HIVEP3: variants seen among roughly 807,000 people sequenced by gnomAD.
HIVEP3 encodes the protein transcription factor HIVEP3.
HIVEP3 carries 49 observed loss-of-function variants against 152.8 expected under a neutral mutation model. The observed-to-expected ratio is 0.32, with a 90% CI of 0.26 to 0.41. The LOEUF is 0.41. Among genes scored for constraint, HIVEP3 ranks in the 10% least tolerant of loss-of-function variants. HIVEP3 has a pLI of 1.00. For synonymous variants in HIVEP3, 1,269 were observed against 1,289.0 expected, an observed-to-expected ratio of 0.98 and a Z score of 0.33; for missense variants, 2,790 against 3,103.3, an observed-to-expected ratio of 0.90 and a Z score of 2.40.
At chr1:41,550,865 A>C (rs1489093733) in intron 5 of HIVEP3, among the ~76,000 whole-genome samples, 1 of 152,076 alleles carries the variant, frequency 6.6e-6, no homozygotes, top group Non-Finnish European at 1.5e-5. Context: ...AATACCCTTT[A>C]TTTCTTTCTC....
At chr1:41,548,081 G>C (rs1025959205) in intron 5 of HIVEP3, among the ~76,000 whole-genome samples, 1 of 152,130 alleles carries the variant, frequency 6.6e-6, no homozygotes, top group Non-Finnish European at 1.5e-5. Context: ...ACCTCAGCTC[G>C]AATGCCAGGT....
chr1:41,574,991 A>G (rs1308512051), intron 5 of HIVEP3, among the ~76,000 whole-genome samples: 3 of 152,234 alleles, frequency 2.0e-5, no homozygotes, highest in Non-Finnish European at 4.4e-5. Flanking sequence ...ACTATGAATG[A>G]GATTCAAAAT....
intron 1 of HIVEP3, among the ~76,000 whole-genome samples, chr1:42,034,598 G>T (rs910733343): frequency 1.1e-4 from 17 of 152,234 alleles, no homozygotes; most frequent in Non-Finnish European, 2.1e-4. Context: ...GTACACTTAT[G>T]TAGCAAGAGG....
At chr1:41,681,862 T>C (rs2124091969) in intron 2 of HIVEP3, among the ~76,000 whole-genome samples, 1 of 152,330 alleles carries the variant, frequency 6.6e-6, no homozygotes, top group South Asian at 2.1e-4. Flanking sequence ...TCTTTCTGAC[T>C]ATGTGCAAAT....
At chr1:41,557,900 G>C (rs576389548) in intron 5 of HIVEP3, among the ~76,000 whole-genome samples, 1 of 152,166 alleles carries the variant, frequency 6.6e-6, no homozygotes, top group African/African-American at 2.4e-5. Context: ...CCCACCCAGC[G>C]AGGGCTCCTC....
intron 2 of HIVEP3, among the ~76,000 whole-genome samples, chr1:41,657,126 C>A (rs190417714): frequency 4.2e-4 from 64 of 152,310 alleles, no homozygotes; most frequent in Non-Finnish European, 8.8e-4. Context: ...CCAGAAGGAC[C>A]AATCCACTGT....
chr1:41,952,814 G>A (rs1010187819), intron 1 of HIVEP3, among the ~76,000 whole-genome samples: 2 of 152,232 alleles, frequency 1.3e-5, no homozygotes, highest in South Asian at 2.1e-4. Context: ...CCCAAAGATC[G>A]TGTGATATAA....
chr1:41,575,395 A>T, intron 5 of HIVEP3, 149 bp downstream of exon 5: 2 of 743,284 alleles, frequency 2.7e-6, no homozygotes, highest in Non-Finnish European at 4.5e-6. Flanking sequence ...AGTCCCAGGA[A>T]GGTGATGTCT....
intron 1 of HIVEP3, among the ~76,000 whole-genome samples, chr1:41,908,994 T>C (rs1644757082): frequency 1.3e-5 from 2 of 152,130 alleles, no homozygotes; most frequent in Admixed American, 6.5e-5. Context: ...TGTGAAACTA[T>C]AGAACACCAA....
intron 1 of HIVEP3, among the ~76,000 whole-genome samples, chr1:41,741,445 C>A (rs1303521254): frequency 1.3e-5 from 2 of 152,228 alleles, no homozygotes; most frequent in Non-Finnish European, 2.9e-5. Flanking sequence ...CCCACTCTCC[C>A]ACCCACCCTA....
intron 1 of HIVEP3, among the ~76,000 whole-genome samples, chr1:42,011,298 G>C (rs1645491069): frequency 2.0e-5 from 3 of 152,260 alleles, no homozygotes; most frequent in Middle Eastern, 3.4e-3. Context: ...ATATAATGTG[G>C]AGGGCAAGGG....
intron 5 of HIVEP3, among the ~76,000 whole-genome samples, chr1:41,562,472 T>G (rs1644080660): frequency 6.6e-6 from 1 of 152,118 alleles, no homozygotes; most frequent in Non-Finnish European, 1.5e-5. Context: ...ACTTTCTTCC[T>G]TTTCTTTTCC....
chr1:41,648,386 G>A (rs12075175), intron 2 of HIVEP3, among the ~76,000 whole-genome samples: 2,025 of 152,244 alleles, frequency 0.013, 45 homozygotes, highest in African/African-American at 0.043. Context: ...TTACAGAGAC[G>A]CAACTGACTT....
intron 1 of HIVEP3, among the ~76,000 whole-genome samples, chr1:41,718,381 G>C (rs191661391): frequency 2.0e-5 from 3 of 152,210 alleles, no homozygotes; most frequent in Non-Finnish European, 4.4e-5. Flanking sequence ...CTGTAAAATG[G>C]CACTAAGATG....
intron 1 of HIVEP3, among the ~76,000 whole-genome samples, chr1:41,889,047 CA>C (rs1644403565): frequency 6.7e-6 from 1 of 149,740 alleles, no homozygotes; most frequent in African/African-American, 2.5e-5. Context: ...CACACACACA[CA>C]CACCACACAA....
chr1:41,857,834 T>C lies in HIVEP3; in HGVS notation c.-801+60579A>G, dbSNP rs550859362. ...AAGCTAGAAGACTGGAGTTTCAATG[T>C]ATGTTTATTTTTCTAACTTTCAGAT... On this transcript the variant is annotated intron_variant, in intron 1 of 8. Transcript: ENST00000372583. 3.9e-5 allele frequency among the ~76,000 whole-genome samples: 6 copies of C among 152,326 alleles called. No individual in the cohort carries two copies. In the South Asian group the frequency reaches 1.0e-3, roughly 26 times the overall value.
chr1:41,643,196 A>G lies in HIVEP3; in HGVS notation c.-720-14249T>C, dbSNP rs141057063. Among the ~76,000 whole-genome samples, 947 of 152,258 alleles carry G rather than the reference A, an allele frequency of 6.2e-3. 5 individuals carry two copies. The highest frequency in any genetic ancestry group is 0.058 in the Middle Eastern group (17 of 294). ...GCATCACAGCTCTGATTAGGCCACA[A>G]TGCTTCTTGCCACTTCTGATGCCTG... is the stretch of plus-strand genomic sequence containing the variant. On this transcript the variant is annotated intron_variant, in intron 2 of 8. Coordinates refer to ENST00000372583, the MANE Select transcript of HIVEP3 (RefSeq NM_024503.5).
chr1:41,888,988 CACACACACCACATACCACAT>C (rs1245979697), intron 1 of HIVEP3, among the ~76,000 whole-genome samples: 1 of 149,544 alleles, frequency 6.7e-6, no homozygotes, highest in Non-Finnish European at 1.5e-5. Context: ...ACACATGCCA[CACACACACCACATACCACAT>C]ACACACACCA....
intron 1 of HIVEP3, among the ~76,000 whole-genome samples, chr1:41,814,857 C>A (rs1415854812): frequency 6.6e-6 from 1 of 152,146 alleles, no homozygotes; most frequent in Admixed American, 6.6e-5. Flanking sequence ...ATTCAACTGC[C>A]CATTGATTCA....
Sources: gnomAD v4.1 joint callset for allele counts (sites outside exome capture counted in the v4.1 genomes callset) on GRCh38, gnomAD v4.1.1 for gene constraint, MANE v1.5 for transcripts, NCBI Gene and HGNC (gene_info 2026-07-23, HGNC 2026-07-21) for gene names.